The following NGF variants were observed in gnomAD, a reference collection of about 807,000 sequenced individuals.
NGF encodes the protein nerve growth factor.
A neutral mutation model predicts 12.8 loss-of-function variants in NGF; 4 were observed. The observed-to-expected ratio is 0.31, with a 90% CI of 0.15 to 0.72. NGF has a LOEUF of 0.72. Among genes scored for constraint, NGF ranks in the 30% least tolerant of loss-of-function variants. NGF has a pLI of 0.69. For synonymous variants in NGF, 140 were observed against 130.0 expected (o/e 1.08, Z -0.52); for missense variants, 283 against 330.8 (o/e 0.86, Z 1.12).
intron 1 of NGF, among the ~76,000 whole-genome samples, chr1:115,303,372 A>C (rs60449344): frequency 0.011 from 1,700 of 152,134 alleles, 36 homozygotes; most frequent in African/African-American, 0.039. Flanking sequence ...TATCTTCAAC[A>C]ACCACCACCA....
chr1:115,308,541 C>T (rs1421686560), intron 1 of NGF, among the ~76,000 whole-genome samples: 1 of 152,150 alleles, frequency 6.6e-6, no homozygotes, highest in East Asian at 1.9e-4. Flanking sequence ...CATGAGGTTT[C>T]TAATGATATT....
At position 115,304,327 on chromosome 1, in the gene NGF, T is replaced by A. The variant is rs1654134554; in HGVS notation, c.-136-10577A>T. Among the ~76,000 whole-genome samples the A allele has an allele frequency of 2.5e-5, 3 of 119,696 alleles. 1 individual carries two copies. The highest frequency in any genetic ancestry group is 5.3e-5 in the Non-Finnish European group (3 of 57,024). The allele number at this position is 119,696 out of a possible 152,430, so 78.5% of individuals were successfully genotyped here. A position where few individuals can be genotyped will look rare whatever the true frequency, so the allele number is the denominator to read the frequency against. Reference sequence around the variant, plus strand: ...ACAGGAGCGCACCACCATGCTTGGCTAATTTTTTTTTTTTTTTTGTATTTT... The same window carrying A: ...ACAGGAGCGCACCACCATGCTTGGCAAATTTTTTTTTTTTTTTTGTATTTT... On this transcript the variant is annotated intron_variant, in intron 1 of 2. Transcript: ENST00000369512.
At chr1:115,335,442 A>G (rs1160686626) in intron 1 of NGF, among the ~76,000 whole-genome samples, 1 of 152,204 alleles carries the variant, frequency 6.6e-6, no homozygotes, top group Non-Finnish European at 1.5e-5. Context: ...CACAGAAGTG[A>G]TTTCTCAGAA....
intron 1 of NGF, among the ~76,000 whole-genome samples, chr1:115,303,093 A>G (rs1654090333): frequency 6.6e-6 from 1 of 152,230 alleles, no homozygotes; most frequent in Non-Finnish European, 1.5e-5. Flanking sequence ...AAAAACCCCA[A>G]CAAACAAACA....
chr1:115,289,620 A>G (rs2101022313), intron 2 of NGF, among the ~76,000 whole-genome samples: 1 of 152,278 alleles, frequency 6.6e-6, no homozygotes, highest in Non-Finnish European at 1.5e-5. Context: ...AAAAATCTTC[A>G]TACTCATAAT....
intron 2 of NGF, among the ~76,000 whole-genome samples, chr1:115,288,755 G>A (rs1653594860): frequency 6.6e-6 from 1 of 152,156 alleles, no homozygotes; most frequent in African/African-American, 2.4e-5. Context: ...CAGTTGCCGT[G>A]TCTGGCATGT....
chr1:115,301,393 G>A (rs935655290), intron 1 of NGF, among the ~76,000 whole-genome samples: 1 of 152,114 alleles, frequency 6.6e-6, no homozygotes, highest in Non-Finnish European at 1.5e-5. Context: ...TTATTGAGAG[G>A]GTTAAATTGA....
chr1:115,290,629 G>A (rs866744280), intron 2 of NGF, among the ~76,000 whole-genome samples: 6 of 151,986 alleles, frequency 3.9e-5, no homozygotes, highest in Non-Finnish European at 4.4e-5. Context: ...CTCTGATCTC[G>A]TGATCCGCCC....
At position 115,337,271 on chromosome 1, in the gene NGF, T is replaced by TTTTTTTTTTTTTTG. The variant is rs1655149478; in HGVS notation, c.-137+932_-137+933insCAAAAAAAAAAAAA. On this transcript the variant is annotated intron_variant, in intron 1 of 2. Coordinates refer to ENST00000369512, the MANE Select transcript of NGF (RefSeq NM_002506.3). Reference sequence around the variant, plus strand: ...AATTTTTTTTGTTTTGTTTTTGTTTTTTTTTTTTTTTTTTTTTTTTTTTTT... The same window carrying TTTTTTTTTTTTTTG: ...AATTTTTTTTGTTTTGTTTTTGTTTTTTTTTTTTTTTTTGTTTTTTTTTTTTTTTTTTTTTTTTT... 1.0e-4 allele frequency among the ~76,000 whole-genome samples: 4 copies of TTTTTTTTTTTTTTG among 39,798 alleles called. No homozygotes were observed. In the East Asian group the frequency reaches 7.4e-3, roughly 73 times the overall value. The allele number at this position is 39,798 out of a possible 152,430, so 26.1% of individuals were successfully genotyped here.
intron 2 of NGF, among the ~76,000 whole-genome samples, chr1:115,290,468 T>C (rs1485369233): frequency 1.5e-5 from 2 of 135,678 alleles, no homozygotes; most frequent in Non-Finnish European, 3.1e-5. Flanking sequence ...TGATCTCGGC[T>C]CACTGCAGCC....
At chr1:115,335,184 G>A (rs938402296) in intron 1 of NGF, among the ~76,000 whole-genome samples, 3 of 152,028 alleles carry the variant, frequency 2.0e-5, no homozygotes, top group East Asian at 1.9e-4. Context: ...TATTCTCCTC[G>A]GCTCAAATAG....
At chr1:115,291,292 T>C (rs1488372046) in intron 2 of NGF, among the ~76,000 whole-genome samples, 1 of 152,278 alleles carries the variant, frequency 6.6e-6, no homozygotes, top group Non-Finnish European at 1.5e-5. Context: ...GTGCATTTTC[T>C]ATTCTAGTGA....
At chr1:115,303,715 A>T (rs1654113900) in intron 1 of NGF, among the ~76,000 whole-genome samples, 1 of 152,182 alleles carries the variant, frequency 6.6e-6, no homozygotes, top group Non-Finnish European at 1.5e-5. Context: ...CATCACCATC[A>T]TCATCATCCC....
At chr1:115,320,273 T>C (rs898110139) in intron 1 of NGF, among the ~76,000 whole-genome samples, 2 of 152,160 alleles carry the variant, frequency 1.3e-5, no homozygotes, top group African/African-American at 2.4e-5. Context: ...TATGTTTTTT[T>C]CCCCAAACCT....
intron 1 of NGF, among the ~76,000 whole-genome samples, chr1:115,329,070 AGAG>A (rs1654843835): frequency 6.6e-6 from 1 of 152,022 alleles, no homozygotes; most frequent in South Asian, 2.1e-4. Flanking sequence ...GAGGAAAAGA[AGAG>A]GAGAAGGAAG....
chr1:115,290,702 C>T (rs1653669074), intron 2 of NGF, among the ~76,000 whole-genome samples: 1 of 152,150 alleles, frequency 6.6e-6, no homozygotes, highest in South Asian at 2.1e-4. Flanking sequence ...CCTTCTCTAT[C>T]TCTTAAAGCC....
intron 1 of NGF, among the ~76,000 whole-genome samples, chr1:115,299,603 G>C (rs1302969147): frequency 6.6e-6 from 1 of 152,198 alleles, no homozygotes; most frequent in African/African-American, 2.4e-5. Flanking sequence ...TTCTGTTACA[G>C]AGTTGAGGGC....
chr1:115,310,212 C>T (rs780190008), intron 1 of NGF, among the ~76,000 whole-genome samples: 1 of 152,156 alleles, frequency 6.6e-6, no homozygotes, highest in Non-Finnish European at 1.5e-5. Context: ...ATGTGGGAAC[C>T]AGGCCTGGAA....
At chr1:115,314,651 A>T (rs556500501) in intron 1 of NGF, among the ~76,000 whole-genome samples, 1 of 152,202 alleles carries the variant, frequency 6.6e-6, no homozygotes, top group Non-Finnish European at 1.5e-5. Context: ...AAGCACACAA[A>T]CAGCTAAGCT....
Sources: gnomAD v4.1 joint callset for allele counts (sites outside exome capture counted in the v4.1 genomes callset) on GRCh38, gnomAD v4.1.1 for gene constraint, MANE v1.5 for transcripts, NCBI Gene and HGNC (gene_info 2026-07-23, HGNC 2026-07-21) for gene names.